ANK2: variants seen among roughly 807,000 people sequenced by gnomAD.
The protein encoded by ANK2 is ankyrin-2.
A neutral mutation model predicts 360.5 loss-of-function variants in ANK2; 83 were observed. The ratio of observed to expected loss-of-function variants is 0.23; its 90% confidence interval spans 0.19 to 0.28. The LOEUF (loss-of-function observed/expected upper bound fraction) is 0.28. Among genes scored for constraint, ANK2 ranks in the 10% least tolerant of loss-of-function variants. The probability of loss-of-function intolerance (pLI) is 1.00; values close to 1 mark genes in which losing one functional copy is unlikely to be tolerated. For missense variants in ANK2, 4,201 were observed against 4,795.7 expected (o/e 0.88, Z 3.66); for synonymous variants, 1,740 against 1,759.5 (o/e 0.99, Z 0.28).
At chr4:113,321,213 T>A (rs13118355) in intron 26 of ANK2, among the ~76,000 whole-genome samples, 36,074 of 152,156 alleles carry the variant, frequency 0.24, 6,297 homozygotes, top group African/African-American at 0.5. Context: ...TAATAGCTAA[T>A]TACTTTTTAA....
chr4:113,350,927 A>G (rs1054615808), intron 37 of ANK2: 2 of 152,214 alleles, frequency 1.3e-5, no homozygotes, highest in South Asian at 4.1e-4. Context: ...GCATGTTATT[A>G]TAGGGTTAAT....
Position 113,055,736 on chromosome 4 carries a change from T to A in ANK2, c.84+5924T>A, listed in dbSNP as rs370104705. Reference sequence around the variant, plus strand: ...GATGAGAAACTGGAGACTCAGAGACTACATACAGATGGTGCTGAAGAGACC... The same window carrying A: ...GATGAGAAACTGGAGACTCAGAGACAACATACAGATGGTGCTGAAGAGACC... On this transcript the variant is annotated intron_variant, in intron 1 of 45. Coordinates refer to ENST00000357077, the MANE Select transcript of ANK2 (RefSeq NM_001148.6). 2.1e-4 allele frequency among the ~76,000 whole-genome samples: 32 copies of A among 152,316 alleles called. 1 individual carries two copies. Among genetic ancestry groups the A allele is most frequent in the Admixed American group, 9.2e-4 (14 of 15,290 alleles).
In ANK2 at chr4:112,934,877, G is replaced by A. The variant is rs554325471; in HGVS notation, c.21+30363G>A. The stretch of plus-strand genomic sequence containing the variant: ...CTGGGAATAGGAAGGGCAGAGGAGG[G>A]GATGTTCTTTATATAGGATAGACAG... On this transcript the variant is annotated intron_variant, in intron 2 of 30. Coordinates refer to the ANK2 transcript ENST00000503271. Among the ~76,000 whole-genome samples the A allele has an allele frequency of 2.0e-5, 3 of 152,274 alleles. No homozygotes were observed. In the East Asian group the frequency reaches 5.8e-4, roughly 29 times the overall value.
In ANK2 at chr4:113,282,885, T is replaced by C; in HGVS notation, c.2079+13T>C. The C allele has an allele frequency of 6.2e-7, 1 of 1,613,610 alleles. No individual in the cohort carries two copies. The highest frequency in any genetic ancestry group is 8.5e-7 in the Non-Finnish European group (1 of 1,179,624). ...CATGTCAACTAAGGTATTCTGTCCT[T>C]TCTTGCATCAATCAAGAGTGTTTTG... On this transcript the variant is annotated intron_variant, in intron 18 of 45. Transcript: ENST00000357077.
At chr4:113,110,185 C>T (rs1409819681) in intron 1 of ANK2, among the ~76,000 whole-genome samples, 1 of 152,146 alleles carries the variant, frequency 6.6e-6, no homozygotes, top group East Asian at 1.9e-4. Flanking sequence ...AGCAAAGGCA[C>T]ATCTTACCTG....
the ANK2 span, among the ~76,000 whole-genome samples, chr4:112,737,441 A>G: frequency 6.6e-6 from 1 of 152,212 alleles, no homozygotes; most frequent in Non-Finnish European, 1.5e-5. Flanking sequence ...CTCAATTATC[A>G]GTTGCTGCAT....
the ANK2 span, among the ~76,000 whole-genome samples, chr4:112,780,198 AAAAG>A: frequency 5.9e-5 from 9 of 152,006 alleles, no homozygotes; most frequent in Admixed American, 5.2e-4. Context: ...AAAAAAAAAA[AAAAG>A]AAGTCAGTGA....
At chr4:113,226,552 T>A (rs757019179) in intron 4 of ANK2, among the ~76,000 whole-genome samples, 13 of 152,250 alleles carry the variant, frequency 8.5e-5, no homozygotes, top group Non-Finnish European at 1.3e-4. Context: ...ACACATAATT[T>A]AAAAAAACTA....
intron 2 of ANK2, among the ~76,000 whole-genome samples, chr4:113,014,325 C>T (rs1019627190): frequency 2.6e-5 from 4 of 152,182 alleles, no homozygotes; most frequent in Admixed American, 2.6e-4. Flanking sequence ...AAGAGTTTCA[C>T]TATTAACTCA....
chr4:113,001,389 T>G (rs1459753156), intron 2 of ANK2, among the ~76,000 whole-genome samples: 1 of 151,368 alleles, frequency 6.6e-6, no homozygotes, highest in African/African-American at 2.4e-5. Context: ...AAAAATAACT[T>G]TATCATAAAA....
chr4:112,742,967 C>T, the ANK2 span, among the ~76,000 whole-genome samples: 1 of 152,154 alleles, frequency 6.6e-6, no homozygotes, highest in Non-Finnish European at 1.5e-5. Flanking sequence ...CATTCCACAT[C>T]TTCTGAGATC....
chr4:113,226,200 C>T (rs755430632), intron 4 of ANK2, among the ~76,000 whole-genome samples: 1 of 152,152 alleles, frequency 6.6e-6, no homozygotes, highest in Non-Finnish European at 1.5e-5. Flanking sequence ...CCCCATTCCT[C>T]GCCAAGTAAT....
At chr4:113,193,494 G>A (rs2098703005) in intron 2 of ANK2, among the ~76,000 whole-genome samples, 3 of 152,182 alleles carry the variant, frequency 2.0e-5, no homozygotes, top group East Asian at 1.9e-4. Context: ...ATATATGGGC[G>A]TAAGGACTGA....
chr4:113,320,532 G>A (rs1002024062), intron 26 of ANK2, among the ~76,000 whole-genome samples: 1 of 152,088 alleles, frequency 6.6e-6, no homozygotes, highest in Non-Finnish European at 1.5e-5. Flanking sequence ...GTGCACACCT[G>A]TAATCCCAGC....
chr4:113,217,459 TA>T (rs2153474262), intron 4 of ANK2, among the ~76,000 whole-genome samples: 1 of 152,294 alleles, frequency 6.6e-6, no homozygotes, highest in Admixed American at 6.5e-5. Flanking sequence ...AGGTATAAAT[TA>T]TAACTAAATA....
chr4:113,148,437 T>C (rs1429006937), intron 1 of ANK2, among the ~76,000 whole-genome samples: 1 of 152,222 alleles, frequency 6.6e-6, no homozygotes, highest in Non-Finnish European at 1.5e-5. Context: ...TTTACCAGTT[T>C]ACTCTCAGAG....
At chr4:113,306,754 G>A (rs999016812) in intron 23 of ANK2, among the ~76,000 whole-genome samples, 5 of 152,308 alleles carry the variant, frequency 3.3e-5, no homozygotes, top group Admixed American at 1.3e-4. Flanking sequence ...GAGACATTAA[G>A]TAGTTTGTTC....
At chr4:113,259,366 T>G (rs2051312075) in intron 13 of ANK2, among the ~76,000 whole-genome samples, 1 of 152,208 alleles carries the variant, frequency 6.6e-6, no homozygotes, top group South Asian at 2.1e-4. Context: ...TGATTGGCAC[T>G]TGTTGCTAAT....
rs192993574 is a variant in ANK2, at chr4:113,365,350, C to A, written c.11032+168C>A. 1.6e-3 allele frequency among the ~76,000 whole-genome samples: 245 copies of A among 151,854 alleles called. 1 individual carries two copies. The highest frequency in any genetic ancestry group is 4.6e-3 in the African/African-American group (192 of 41,428). On this transcript the variant is annotated intron_variant, in intron 41 of 45. Coordinates refer to ENST00000357077, the MANE Select transcript of ANK2 (RefSeq NM_001148.6). Reference sequence around the variant, plus strand: ...TTCCTTGCTACCCTGAGGCTTTCCTCCCTGTTTTACACACCCTCCCACCTC... The same window carrying A: ...TTCCTTGCTACCCTGAGGCTTTCCTACCTGTTTTACACACCCTCCCACCTC...
Sources: gnomAD v4.1 joint callset for allele counts (sites outside exome capture counted in the v4.1 genomes callset) on GRCh38, gnomAD v4.1.1 for gene constraint, MANE v1.5 for transcripts, NCBI Gene and HGNC (gene_info 2026-07-23, HGNC 2026-07-21) for gene names.